Variants in IFT88 observed in about 807,000 individuals in gnomAD.
The protein encoded by IFT88 is intraflagellar transport 88.
A neutral mutation model predicts 119.5 loss-of-function variants in IFT88; 74 were observed. That is an observed-to-expected ratio of 0.62 (90% CI 0.51 to 0.75). The LOEUF is 0.75. Among genes scored for constraint, IFT88 ranks in the 30% least tolerant of loss-of-function variants. IFT88 has a pLI of 0.00. For synonymous variants in IFT88, 279 were observed against 316.7 expected, an observed-to-expected ratio of 0.88 and a Z score of 1.26; for missense variants, 961 against 977.7, an observed-to-expected ratio of 0.98 and a Z score of 0.23.
At chr13:20,628,142 T>G (rs1467348354) in intron 15 of IFT88, among the ~76,000 whole-genome samples, 1 of 152,170 alleles carries the variant, frequency 6.6e-6, no homozygotes, top group East Asian at 1.9e-4. Context: ...CAATTCAAAG[T>G]GAAAAAGAAA....
chr13:20,690,982 T>C (rs2141357219), intron 25 of IFT88, 72 bp from the exon 26 acceptor site: 1 of 1,559,500 alleles, frequency 6.4e-7, no homozygotes, highest in Non-Finnish European at 8.8e-7. Flanking sequence ...ATTTTGACTA[T>C]GAGCCTGATT....
At chr13:20,658,353 T>C (rs138613818) in intron 22 of IFT88, among the ~76,000 whole-genome samples, 41 of 152,308 alleles carry the variant, frequency 2.7e-4, no homozygotes, top group African/African-American at 9.9e-4. Flanking sequence ...ATTGCTAGGA[T>C]TGCAGGTGTG....
intron 3 of IFT88, among the ~76,000 whole-genome samples, chr13:20,585,789 T>G (rs914025170): frequency 6.6e-6 from 1 of 152,260 alleles, no homozygotes; most frequent in East Asian, 1.9e-4. Context: ...AATTCTTCAC[T>G]ACACATTCTA....
chr13:20,623,768 C>G (rs1190791585), intron 14 of IFT88, among the ~76,000 whole-genome samples: 1 of 152,202 alleles, frequency 6.6e-6, no homozygotes, highest in Non-Finnish European at 1.5e-5. Context: ...AGCCACCACA[C>G]CCAGCCTCCA....
chr13:20,615,095 A>G (rs181559544), intron 13 of IFT88, among the ~76,000 whole-genome samples: 87 of 152,316 alleles, frequency 5.7e-4, no homozygotes, highest in African/African-American at 2.0e-3. Context: ...GATTACAGGC[A>G]TGAGCCACTG....
chr13:20,650,889 C>T (rs1236834788), intron 20 of IFT88, among the ~76,000 whole-genome samples: 1 of 151,944 alleles, frequency 6.6e-6, no homozygotes, highest in Admixed American at 6.6e-5. Flanking sequence ...AAATAATTAG[C>T]GATTAATTTA....
intron 20 of IFT88, among the ~76,000 whole-genome samples, chr13:20,652,753 T>C (rs1279499087): frequency 6.6e-6 from 1 of 152,196 alleles, no homozygotes; most frequent in Non-Finnish European, 1.5e-5. Flanking sequence ...TAAATAATAA[T>C]ACCACATGGT....
chr13:20,574,016 A>G (rs2036889913), intron 1 of IFT88, among the ~76,000 whole-genome samples: 1 of 152,234 alleles, frequency 6.6e-6, no homozygotes, highest in African/African-American at 2.4e-5. Flanking sequence ...TTAAATAGTT[A>G]TACTTTATTG....
At chr13:20,632,677 T>C (rs1248054386) in intron 16 of IFT88, among the ~76,000 whole-genome samples, 3 of 152,212 alleles carry the variant, frequency 2.0e-5, no homozygotes, top group Non-Finnish European at 4.4e-5. Context: ...TCACCTTCCT[T>C]TGTGCTCCTA....
chr13:20,597,540 C>A (rs376670423), intron 9 of IFT88, among the ~76,000 whole-genome samples: 7 of 151,926 alleles, frequency 4.6e-5, no homozygotes, highest in Non-Finnish European at 1.0e-4. Context: ...GTCAGGAAAT[C>A]GAGACCATCC....
chr13:20,576,803 C>G (rs1305715411), intron 2 of IFT88, among the ~76,000 whole-genome samples: 1 of 151,984 alleles, frequency 6.6e-6, no homozygotes, highest in Non-Finnish European at 1.5e-5. Context: ...TAATGTAATT[C>G]TTCAGTTTTG....
chr13:20,665,834 T>TA (rs2054585118), intron 23 of IFT88, among the ~76,000 whole-genome samples: 1 of 151,994 alleles, frequency 6.6e-6, no homozygotes, highest in South Asian at 2.1e-4. Flanking sequence ...CGAGAGGAGG[T>TA]ACTCAGAGGC....
chr13:20,568,352 A>G lies in IFT88; in HGVS notation c.-7+1096A>G, dbSNP rs376031908. Among the ~76,000 whole-genome samples, 5 of 152,324 alleles carry G rather than the reference A, an allele frequency of 3.3e-5. No homozygotes were observed. The East Asian group carries it at 7.7e-4, about 24-fold the overall frequency. On this transcript the variant is annotated intron_variant, in intron 1 of 25. Coordinates refer to ENST00000351808, the MANE Select transcript of IFT88 (RefSeq NM_006531.5). ...AACAGTTGTTCTGCCACCCATAGCT[A>G]TTAGCCATGCTTGATTCCCTTCAAC...
chr13:20,568,541 G>A (rs2035458810), intron 1 of IFT88, among the ~76,000 whole-genome samples: 1 of 152,190 alleles, frequency 6.6e-6, no homozygotes, highest in African/African-American at 2.4e-5. Flanking sequence ...TGTCAACTAA[G>A]CTGACTTAAA....
At chr13:20,668,851 T>C (rs1334413289) in intron 23 of IFT88, among the ~76,000 whole-genome samples, 1 of 152,218 alleles carries the variant, frequency 6.6e-6, no homozygotes, top group Non-Finnish European at 1.5e-5. Context: ...GCTGTTTTCC[T>C]TTTATTCTCT....
At chr13:20,603,786 A>G (rs1359988055) in intron 12 of IFT88, among the ~76,000 whole-genome samples, 1 of 152,086 alleles carries the variant, frequency 6.6e-6, no homozygotes, top group East Asian at 1.9e-4. Context: ...AGTCCCAGCT[A>G]CTTGGGAGGC....
At position 20,638,423 on chromosome 13, in the gene IFT88, C is replaced by A; in HGVS notation, c.1478C>A (p.Thr493Lys). The A allele has an allele frequency of 1.3e-6, 2 of 1,527,998 alleles. No individual in the cohort carries two copies. The highest frequency in any genetic ancestry group is 1.8e-6 in the Non-Finnish European group (2 of 1,142,650). The allele number at this position is 1,527,998 out of a possible 1,614,324, so 94.7% of individuals were successfully genotyped here. Residue 493 changes from threonine to lysine, a missense_variant, in exon 17 of 26, where the codon ACA becomes AAA. Coordinates refer to ENST00000351808, the MANE Select transcript of IFT88 (RefSeq NM_006531.5). ...GCAGCTCTTACTAATAAAGGGAATA[C>A]AGTTTTTGCAAATGGTGATTATGAG... is the stretch of plus-strand genomic sequence containing the variant. Reference protein sequence around the residue: ...NPAALTNKGNTVFANGDYEKA... With the variant: ...NPAALTNKGNKVFANGDYEKA...
At chr13:20,619,793 C>G (rs573075861) in intron 14 of IFT88, among the ~76,000 whole-genome samples, 1 of 151,970 alleles carries the variant, frequency 6.6e-6, no homozygotes, top group African/African-American at 2.4e-5. Context: ...TTAATAGATA[C>G]CGCTAAACAG....
chr13:20,670,857 G>A (rs1401370221), intron 23 of IFT88, 116 bp from the exon 24 acceptor site: 7 of 597,748 alleles, frequency 1.2e-5, no homozygotes, highest in Non-Finnish European at 1.9e-5. Flanking sequence ...TCTCAGGTAT[G>A]ATGGGTTAGT....
Sources: gnomAD v4.1 joint callset for allele counts (sites outside exome capture counted in the v4.1 genomes callset) on GRCh38, gnomAD v4.1.1 for gene constraint, MANE v1.5 for transcripts, NCBI Gene and HGNC (gene_info 2026-07-23, HGNC 2026-07-21) for gene names.